Variants in ANO2 observed in about 807,000 individuals in gnomAD.
The protein encoded by ANO2 is anoctamin-2.
A neutral mutation model predicts 124.2 loss-of-function variants in ANO2; 101 were observed. That is an observed-to-expected ratio of 0.81 (90% CI 0.69 to 0.96). The LOEUF (loss-of-function observed/expected upper bound fraction) is 0.96. Among genes scored for constraint, ANO2 ranks in the 40% least tolerant of loss-of-function variants. ANO2 has a pLI of 0.00. For synonymous variants in ANO2, 486 were observed against 482.5 expected, an observed-to-expected ratio of 1.01 and a Z score of -0.09; for missense variants, 1,293 against 1,274.5, an observed-to-expected ratio of 1.01 and a Z score of -0.22.
chr12:5,635,628 C>CA lies in ANO2; in HGVS notation c.1621-282dup, dbSNP rs1555111110. 6.6e-6 allele frequency among the ~76,000 whole-genome samples: 1 copy of CA among 151,396 alleles called. No individual in the cohort carries two copies. Among genetic ancestry groups the CA allele is most frequent in the Non-Finnish European group, 1.5e-5 (1 of 67,866 alleles). On this transcript the variant is annotated intron_variant, in intron 15 of 24. Transcript: ENST00000682330. This position sits in a 1 kb window ranked among gnomAD's most constrained non-coding sequence, Gnocchi z 5.2. ...ACACACACACACACACACACACACA[C>CA]AATAAGGATGAACATGCTGGACCCT...
rs377542084 is a variant in ANO2, at chr12:5,575,914, G to T, written c.2541C>A (p.Leu847=). 2.5e-6 allele frequency: 4 copies of T among 1,613,794 alleles called. No homozygotes were observed. In the Admixed American group the frequency reaches 6.7e-5, roughly 27 times the overall value. ...GTLHGFVNHT[L]SFFNVSQLKE... ...TCAGCTGGCTGACGTTGAAAAAGGAGAGGGTGTGGTTGACAAAGCCGTGCA... is the reference window on the plus strand; with the variant it reads ...TCAGCTGGCTGACGTTGAAAAAGGATAGGGTGTGGTTGACAAAGCCGTGCA... The change falls in exon 23 of 25, where the codon CTC becomes CTA. Residue 847 remains leucine (L), a synonymous_variant. Coordinates refer to ENST00000682330, the MANE Select transcript of ANO2 (RefSeq NM_001364791.2).
chr12:5,755,809 CA>C (rs1224446882), intron 10 of ANO2, among the ~76,000 whole-genome samples: 1 of 152,086 alleles, frequency 6.6e-6, no homozygotes, highest in Non-Finnish European at 1.5e-5. Context: ...CCATCAAATT[CA>C]ATTTTAAGGT....
chr12:5,695,853 T>A (rs4930788), intron 14 of ANO2, among the ~76,000 whole-genome samples: 20,927 of 152,082 alleles, frequency 0.14, 1,541 homozygotes, highest in Middle Eastern at 0.24. Flanking sequence ...ATAAATAAAT[T>A]AATTAATTAA....
chr12:5,629,304 T>C (rs1945583199), intron 16 of ANO2, among the ~76,000 whole-genome samples: 1 of 152,216 alleles, frequency 6.6e-6, no homozygotes. Context: ...GCCTCCTCCA[T>C]ACTGCCTCTT....
At chr12:5,758,353 A>G (rs1229105543) in intron 10 of ANO2, among the ~76,000 whole-genome samples, 1 of 152,198 alleles carries the variant, frequency 6.6e-6, no homozygotes, top group Non-Finnish European at 1.5e-5. Flanking sequence ...AGAAACCGTC[A>G]TTTCTGAGGC....
intron 7 of ANO2, among the ~76,000 whole-genome samples, chr12:5,823,861 T>G (rs372778798): frequency 6.6e-6 from 1 of 152,356 alleles, no homozygotes; most frequent in East Asian, 1.9e-4. Context: ...TTCTGAAATC[T>G]AGGCAGAGGT....
At chr12:5,791,768 G>A (rs1245833934) in intron 10 of ANO2, among the ~76,000 whole-genome samples, 2 of 152,148 alleles carry the variant, frequency 1.3e-5, no homozygotes, top group South Asian at 4.2e-4. Flanking sequence ...AGAGGTCACA[G>A]ACAGAAAATG....
At chr12:5,815,226 C>G (rs1331698215) in intron 7 of ANO2, among the ~76,000 whole-genome samples, 1 of 152,196 alleles carries the variant, frequency 6.6e-6, no homozygotes, top group Non-Finnish European at 1.5e-5. Context: ...ATTTTACACT[C>G]TCTTTACCCA....
intron 3 of ANO2, among the ~76,000 whole-genome samples, chr12:5,892,073 A>G (rs1939451407): frequency 6.6e-6 from 1 of 152,160 alleles, no homozygotes; most frequent in African/African-American, 2.4e-5. Context: ...TTCAGAAAAA[A>G]AAAATAGAAG....
intron 14 of ANO2, among the ~76,000 whole-genome samples, chr12:5,710,535 G>T (rs1033571415): frequency 5.9e-5 from 9 of 152,202 alleles, no homozygotes; most frequent in Non-Finnish European, 1.2e-4. Flanking sequence ...GAAGTCTCTT[G>T]CCAAATGCTT....
chr12:5,857,195 C>T (rs1048435009), intron 3 of ANO2, among the ~76,000 whole-genome samples: 4 of 152,318 alleles, frequency 2.6e-5, no homozygotes, highest in East Asian at 1.9e-4. Flanking sequence ...TCCCCCAGGC[C>T]ACTCCGACAT....
chr12:5,839,143 C>T (rs575048037), intron 4 of ANO2, among the ~76,000 whole-genome samples: 6 of 152,168 alleles, frequency 3.9e-5, no homozygotes, highest in East Asian at 1.9e-4. Flanking sequence ...GAGTCCAGCT[C>T]GCTGCCTTGG....
chr12:5,710,397 G>A (rs780970790), intron 14 of ANO2, among the ~76,000 whole-genome samples: 21 of 152,212 alleles, frequency 1.4e-4, no homozygotes, highest in Non-Finnish European at 2.6e-4. Context: ...GAATTAGTTT[G>A]CATCCCCCAC....
intron 3 of ANO2, among the ~76,000 whole-genome samples, chr12:5,899,428 G>A (rs949900488): frequency 1.3e-5 from 2 of 152,204 alleles, no homozygotes; most frequent in African/African-American, 4.8e-5. Context: ...AGGGGAATAA[G>A]AAAGCAGTCC....
chr12:5,731,878 T>C (rs1950652822), intron 14 of ANO2, among the ~76,000 whole-genome samples: 1 of 152,148 alleles, frequency 6.6e-6, no homozygotes. Context: ...AATACAGGCA[T>C]GTATTTGCCA....
At chr12:5,828,882 C>G (rs4764518) in intron 6 of ANO2, among the ~76,000 whole-genome samples, 111,337 of 152,122 alleles carry the variant, frequency 0.73, 41,351 homozygotes, top group East Asian at 0.98. Flanking sequence ...CACAAAGAAG[C>G]AGGCACAGAG....
intron 16 of ANO2, among the ~76,000 whole-genome samples, chr12:5,619,571 A>G (rs780129845): frequency 6.6e-6 from 1 of 152,118 alleles, no homozygotes; most frequent in Non-Finnish European, 1.5e-5. Flanking sequence ...CCAGACAGAC[A>G]TGAGTGGAGG....
chr12:5,927,946 G>A (rs1471052879), intron 1 of ANO2, among the ~76,000 whole-genome samples: 1 of 152,192 alleles, frequency 6.6e-6, no homozygotes, highest in East Asian at 1.9e-4. Flanking sequence ...TGGAGAGCTG[G>A]TAAGAGTGAG....
chr12:5,756,959 C>T (rs376794291), intron 10 of ANO2, among the ~76,000 whole-genome samples: 2 of 152,322 alleles, frequency 1.3e-5, no homozygotes, highest in South Asian at 4.1e-4. Flanking sequence ...GGGCAGAGTT[C>T]CTTATGAGCA....
Sources: gnomAD v4.1 joint callset for allele counts (sites outside exome capture counted in the v4.1 genomes callset) on GRCh38, gnomAD v4.1.1 for gene constraint, Gnocchi (gnomAD v3.1) non-coding constraint, MANE v1.5 for transcripts, NCBI Gene and HGNC (gene_info 2026-07-23, HGNC 2026-07-21) for gene names.